Variants in CRMP1 observed in about 807,000 individuals in gnomAD.
The protein encoded by CRMP1 is dihydropyrimidinase-related protein 1.
A neutral mutation model predicts 68.3 loss-of-function variants in CRMP1; 19 were observed. The observed-to-expected ratio is 0.28, with a 90% CI of 0.19 to 0.41. The LOEUF is 0.41. Among genes scored for constraint, CRMP1 ranks in the 10% least tolerant of loss-of-function variants. The probability of loss-of-function intolerance (pLI) is 1.00; values close to 1 mark genes in which losing one functional copy is unlikely to be tolerated. For synonymous variants in CRMP1, 439 were observed against 399.6 expected (o/e 1.10, Z -1.18); for missense variants, 791 against 967.4 (o/e 0.82, Z 2.42).
At position 5,821,699 on chromosome 4, in the gene CRMP1, A is replaced by G. The variant is rs1486427848; in HGVS notation, c.*61T>C. On this transcript the variant is annotated 3_prime_UTR_variant, in exon 14 of 14. Transcript: ENST00000324989. The surrounding 1 kb of genome is among the most constrained non-coding windows in gnomAD (Gnocchi z 4.4). ...AACTGTGGGTTTCAAAAACACTGAC[A>G]GGAAAAGGGATGGACATGATTCCCA... The G allele has an allele frequency of 4.1e-6, 6 of 1,480,006 alleles. No individual in the cohort carries two copies. In the African/African-American group the frequency reaches 5.5e-5, roughly 14 times the overall value. 91.7% of individuals were successfully genotyped at this position (1,480,006 alleles called of 1,614,324 possible).
At position 5,890,111 on chromosome 4, in the gene CRMP1, A is replaced by G. The variant is rs3755854; in HGVS notation, c.381+2478T>C. 334 of 241,182 alleles carry G rather than the reference A, an allele frequency of 1.4e-3. 7 individuals are homozygous for G. The East Asian group carries it at 0.03, about 21-fold the overall frequency. 14.9% of individuals were successfully genotyped at this position (241,182 alleles called of 1,614,324 possible). The stretch of plus-strand genomic sequence containing the variant: ...CTAAAATCCCTGTCAATGACCGGAA[A>G]TTGCAGATGGGGACACTGTCCCTCC... On this transcript the variant is annotated intron_variant, in intron 1 of 13. Coordinates refer to ENST00000324989, the MANE Select transcript of CRMP1 (RefSeq NM_001014809.3). The surrounding 1 kb of genome is among the most constrained non-coding windows in gnomAD (Gnocchi z 5.5).
chr4:5,847,030 A>G (rs1712271799), intron 6 of CRMP1, among the ~76,000 whole-genome samples: 1 of 152,102 alleles, frequency 6.6e-6, no homozygotes, highest in Non-Finnish European at 1.5e-5. Context: ...AGGAGCTCAG[A>G]AGGTAGAGCC....
At chr4:5,874,605 G>C (rs1273235767) in intron 1 of CRMP1, among the ~76,000 whole-genome samples, 1 of 152,070 alleles carries the variant, frequency 6.6e-6, no homozygotes, top group Non-Finnish European at 1.5e-5. Context: ...ATGTTTGCTG[G>C]GCAGGAGGGG....
At chr4:5,882,225 A>G (rs1715266642) in intron 1 of CRMP1, among the ~76,000 whole-genome samples, 1 of 152,244 alleles carries the variant, frequency 6.6e-6, no homozygotes, top group African/African-American at 2.4e-5. Context: ...GATGTGAAAT[A>G]TGCTACATTT....
In CRMP1 at chr4:5,858,388, A is replaced by C. The variant is rs1372391384; in HGVS notation, c.656-2081T>G. ...GCTCCCCCAAATGAGAATGTCCAAA[A>C]CCTCATGCAATACTCTCCCCACCCC... On this transcript the variant is annotated intron_variant, in intron 3 of 13. Coordinates refer to ENST00000324989, the MANE Select transcript of CRMP1 (RefSeq NM_001014809.3). This position sits in a 1 kb window ranked among gnomAD's most constrained non-coding sequence, Gnocchi z 5.5. Among the ~76,000 whole-genome samples, 2 of 151,444 alleles carry C rather than the reference A, an allele frequency of 1.3e-5. No homozygotes were observed. The highest frequency in any genetic ancestry group is 2.9e-5 in the Non-Finnish European group (2 of 67,900).
At chr4:5,846,085 C>T (rs1376859543) in intron 6 of CRMP1, among the ~76,000 whole-genome samples, 1 of 152,108 alleles carries the variant, frequency 6.6e-6, no homozygotes, top group East Asian at 1.9e-4. Flanking sequence ...CACTTGAGGT[C>T]GGGAGTTCAA....
rs762366115 is a variant in CRMP1, at chr4:5,825,444, G to A, written c.1969+50C>T. 34 of 1,518,780 alleles carry A rather than the reference G, an allele frequency of 2.2e-5. No individual in the cohort carries two copies. The highest frequency in any genetic ancestry group is 2.5e-5 in the Non-Finnish European group (29 of 1,141,550). 94.1% of individuals were successfully genotyped at this position (1,518,780 alleles called of 1,614,324 possible). Reference sequence around the variant, plus strand: ...TCCTCAGAAGCAGCAGGAAGGACTCGGCCTGAACTGCTGCAATTGTGGGGA... The same window carrying A: ...TCCTCAGAAGCAGCAGGAAGGACTCAGCCTGAACTGCTGCAATTGTGGGGA... On this transcript the variant is annotated intron_variant, in intron 13 of 13. Coordinates refer to ENST00000324989, the MANE Select transcript of CRMP1 (RefSeq NM_001014809.3). The surrounding 1 kb of genome is among the most constrained non-coding windows in gnomAD (Gnocchi z 4.4).
At chr4:5,863,334 C>T (rs1361583527) in intron 2 of CRMP1, among the ~76,000 whole-genome samples, 4 of 152,132 alleles carry the variant, frequency 2.6e-5, no homozygotes, top group Non-Finnish European at 4.4e-5. Context: ...CAGCACAACT[C>T]AGAGAGGTGT....
chr4:5,849,214 G>A (rs1487594726), intron 6 of CRMP1, among the ~76,000 whole-genome samples, 178 bp downstream of exon 6: 3 of 152,172 alleles, frequency 2.0e-5, no homozygotes, highest in African/African-American at 7.2e-5. Context: ...ATTGCCACTG[G>A]TATGACCTAG....
intron 9 of CRMP1, among the ~76,000 whole-genome samples, chr4:5,837,775 A>G (rs1720829274): frequency 6.6e-6 from 1 of 152,196 alleles, no homozygotes; most frequent in South Asian, 2.1e-4. Context: ...CCAGAGGCCC[A>G]GGAAATGTTA....
At position 5,888,867 on chromosome 4, in the gene CRMP1, G is replaced by GC. The variant is rs1276043676; in HGVS notation, c.381+3721dup. ...AGTGTGGGACGGGGGCCAAGGATCG[G>GC]CCCAAGCTGCTGGGAACGTTCTTGT... On this transcript the variant is annotated intron_variant, in intron 1 of 13. Coordinates refer to ENST00000324989, the MANE Select transcript of CRMP1 (RefSeq NM_001014809.3). The surrounding 1 kb of genome is among the most constrained non-coding windows in gnomAD (Gnocchi z 6.4). 2.0e-5 allele frequency among the ~76,000 whole-genome samples: 3 copies of GC among 151,928 alleles called. No individual in the cohort carries two copies. The highest frequency in any genetic ancestry group is 6.6e-5 in the Admixed American group (1 of 15,264).
At position 5,834,117 on chromosome 4, in the gene CRMP1, T is replaced by C. The variant is rs1396389679; in HGVS notation, c.1623+1798A>G. Among the ~76,000 whole-genome samples the C allele has an allele frequency of 1.3e-5, 2 of 152,226 alleles. No homozygotes were observed. Among genetic ancestry groups the C allele is most frequent in the Non-Finnish European group, 2.9e-5 (2 of 68,042 alleles). ...CCTTCTGGGTCCTTGTCCGCCGACC[T>C]TTGACTGGCTGACACAGACATTCAC... On this transcript the variant is annotated intron_variant, in intron 11 of 13. Coordinates refer to ENST00000324989, the MANE Select transcript of CRMP1 (RefSeq NM_001014809.3). This position sits in a 1 kb window ranked among gnomAD's most constrained non-coding sequence, Gnocchi z 4.3.
intron 11 of CRMP1, among the ~76,000 whole-genome samples, chr4:5,833,306 A>G (rs1720508490): frequency 7.6e-6 from 1 of 131,224 alleles, no homozygotes; most frequent in African/African-American, 3.0e-5. Flanking sequence ...AGCTGGGACT[A>G]CAGGCGCCCG....
At chr4:5,882,959 G>A (rs762776408) in intron 1 of CRMP1, among the ~76,000 whole-genome samples, 5 of 152,178 alleles carry the variant, frequency 3.3e-5, no homozygotes, top group Non-Finnish European at 7.3e-5. Context: ...CCCCTTGGGT[G>A]CATTCTCCCT....
At chr4:5,864,535 A>G (rs1713838757) in intron 2 of CRMP1, among the ~76,000 whole-genome samples, 3 of 152,194 alleles carry the variant, frequency 2.0e-5, no homozygotes, top group African/African-American at 7.2e-5. Flanking sequence ...CTTTCCCTGA[A>G]TCGGTGCTCC....
rs1577856615 is a variant in CRMP1 at position 5,889,298 on chromosome 4, T to C, written c.381+3291A>G. Among the ~76,000 whole-genome samples the C allele has an allele frequency of 6.6e-6, 1 of 152,142 alleles. No individual in the cohort carries two copies. The highest frequency in any genetic ancestry group is 1.9e-4 in the East Asian group (1 of 5,164). On this transcript the variant is annotated intron_variant, in intron 1 of 13. Transcript: ENST00000324989. This position sits in a 1 kb window ranked among gnomAD's most constrained non-coding sequence, Gnocchi z 4.5. ...GCAGCCTGACACTGGGGCCACCAGG[T>C]CACCCCACAGAATTGCCTCCAAGAC...
intron 1 of CRMP1, among the ~76,000 whole-genome samples, chr4:5,874,719 A>G (rs1714689755): frequency 6.6e-6 from 1 of 152,182 alleles, no homozygotes; most frequent in African/African-American, 2.4e-5. Flanking sequence ...AAGAAGAGAT[A>G]AAAGAAGGAT....
At chr4:5,851,387 G>A in intron 5 of CRMP1, 21 bp downstream of exon 5, 2 of 1,610,604 alleles carry the variant, frequency 1.2e-6, no homozygotes, top group Non-Finnish European at 1.7e-6. Flanking sequence ...AGAGAGGAGA[G>A]AGTGAGTGTG....
In CRMP1 at chr4:5,843,245, A is replaced by AG. The variant is rs1711925107; in HGVS notation, c.964-85dup. The AG allele has an allele frequency of 1.7e-5, 25 of 1,429,240 alleles. No individual in the cohort carries two copies. In the South Asian group the frequency reaches 2.8e-4, roughly 16 times the overall value. The allele number at this position is 1,429,240 out of a possible 1,614,324, so 88.5% of individuals were successfully genotyped here. ...CTCCTCCAACCCCCTGGTTAGACAG[A>AG]GGGGGCAGCTGGGTCCCAAAGAGGC... On this transcript the variant is annotated intron_variant, in intron 6 of 13. Transcript: ENST00000324989. This position sits in a 1 kb window ranked among gnomAD's most constrained non-coding sequence, Gnocchi z 4.1.
Sources: allele counts gnomAD v4.1 joint callset (sites outside exome capture counted in the v4.1 genomes callset), GRCh38; gene constraint gnomAD v4.1.1; non-coding constraint Gnocchi (gnomAD v3.1); transcripts MANE v1.5; gene names NCBI Gene and HGNC (gene_info 2026-07-23, HGNC 2026-07-21).